The following SLC17A1 variants were observed in gnomAD, a reference collection of about 807,000 sequenced individuals.
The protein encoded by SLC17A1 is solute carrier family 17 member 1.
SLC17A1 carries 51 observed loss-of-function variants against 53.5 expected under a neutral mutation model. The ratio of observed to expected loss-of-function variants is 0.95; its 90% confidence interval spans 0.76 to 1.20. The LOEUF (loss-of-function observed/expected upper bound fraction) is 1.20. Among genes scored for constraint, SLC17A1 ranks in the 50% most tolerant of loss-of-function variants. The pLI, the probability that SLC17A1 is intolerant of heterozygous loss-of-function variation, is 0.00. For synonymous variants in SLC17A1, 179 were observed against 198.8 expected (o/e 0.90, Z 0.84); for missense variants, 538 against 568.2 (o/e 0.95, Z 0.54).
In SLC17A1 at chr6:25,826,498, G is replaced by C. The variant is rs761273411; in HGVS notation, c.170C>G (p.Pro57Arg). The change falls in exon 3 of 13, where the codon CCC (proline) becomes CGC (arginine). Residue 57 changes from proline to arginine, a missense_variant. Transcript: ENST00000244527. ...CAGGAGCTTCTTTGTGGAGGTGTTG[G>C]GCAAACCATGTGGATCTGTGCTATT... ...MVNSTDPHGLPNTSTKKLLDN... is the reference protein window; with the variant it reads ...MVNSTDPHGLRNTSTKKLLDN... 57 of 1,610,228 alleles carry C rather than the reference G, an allele frequency of 3.5e-5. No homozygotes were observed. Among genetic ancestry groups the C allele is most frequent in the Non-Finnish European group, 4.8e-5 (57 of 1,178,018 alleles).
At chr6:25,813,727 A>G (rs1327936622) in intron 6 of SLC17A1, among the ~76,000 whole-genome samples, 1 of 151,826 alleles carries the variant, frequency 6.6e-6, no homozygotes, top group Non-Finnish European at 1.5e-5. Context: ...CCCTCTTCCC[A>G]CCCTCTACCC....
At chr6:25,764,360 T>C in the SLC17A1 span, among the ~76,000 whole-genome samples, 1 of 152,164 alleles carries the variant, frequency 6.6e-6, no homozygotes, top group South Asian at 2.1e-4. Flanking sequence ...AGGAAAGATA[T>C]ACTGCCCCCC....
At chr6:25,740,135 T>C in the SLC17A1 span, among the ~76,000 whole-genome samples, 1 of 152,158 alleles carries the variant, frequency 6.6e-6, no homozygotes, top group Non-Finnish European at 1.5e-5. Flanking sequence ...CATTAGTTAC[T>C]AGGGAAAACA....
chr6:25,728,040 G>A, the SLC17A1 span, among the ~76,000 whole-genome samples: 1 of 152,032 alleles, frequency 6.6e-6, no homozygotes, highest in Non-Finnish European at 1.5e-5. Flanking sequence ...CCCCTAGTTT[G>A]TATAAAAGCT....
chr6:25,789,000 T>C (rs916251069), intron 12 of SLC17A1, among the ~76,000 whole-genome samples: 4 of 152,158 alleles, frequency 2.6e-5, no homozygotes, highest in Non-Finnish European at 5.9e-5. Context: ...GGTAGGTAGA[T>C]AGATATGTAT....
chr6:25,802,444 C>A (rs1763809264), intron 10 of SLC17A1, among the ~76,000 whole-genome samples: 1 of 151,838 alleles, frequency 6.6e-6, no homozygotes, highest in African/African-American at 2.4e-5. Context: ...TTCTTTTGTT[C>A]CTATATTTCT....
intron 3 of SLC17A1, among the ~76,000 whole-genome samples, chr6:25,821,617 T>TG (rs1373523732): frequency 6.6e-6 from 1 of 152,214 alleles, no homozygotes; most frequent in East Asian, 1.9e-4. Flanking sequence ...CTCAAAATCT[T>TG]GGATAGTTTT....
chr6:25,732,346 A>G, the SLC17A1 span, among the ~76,000 whole-genome samples: 1 of 152,246 alleles, frequency 6.6e-6, no homozygotes, highest in South Asian at 2.1e-4. Flanking sequence ...CTATCAGCCA[A>G]TCAATCAGAT....
chr6:25,789,221 A>G (rs1346340578), intron 12 of SLC17A1, among the ~76,000 whole-genome samples: 2 of 152,196 alleles, frequency 1.3e-5, no homozygotes, highest in Admixed American at 6.5e-5. Context: ...TTGTGCCACA[A>G]AGTAAGAAAG....
chr6:25,810,571 T>TA (rs1764118741), intron 10 of SLC17A1, among the ~76,000 whole-genome samples: 1 of 152,090 alleles, frequency 6.6e-6, no homozygotes, highest in Non-Finnish European at 1.5e-5. Context: ...CTACACCTGT[T>TA]AGAGTGTCTG....
At chr6:25,792,825 G>T (rs1372895419) in intron 12 of SLC17A1, among the ~76,000 whole-genome samples, 2 of 152,070 alleles carry the variant, frequency 1.3e-5, no homozygotes, top group African/African-American at 4.8e-5. Context: ...GAATCTGGCT[G>T]CTTCTCACCC....
intron 12 of SLC17A1, among the ~76,000 whole-genome samples, chr6:25,785,927 C>A (rs529349396): frequency 4.6e-5 from 7 of 152,110 alleles, no homozygotes; most frequent in East Asian, 3.9e-4. Context: ...TCCCTCAAAA[C>A]GTTAAACCTA....
At chr6:25,748,109 A>T in the SLC17A1 span, among the ~76,000 whole-genome samples, 1 of 152,220 alleles carries the variant, frequency 6.6e-6, no homozygotes, top group African/African-American at 2.4e-5. Flanking sequence ...CCTTAACCTA[A>T]ACCCCAATGT....
At position 25,819,225 on chromosome 6, in the gene SLC17A1, T is replaced by C. The variant is rs367709750; in HGVS notation, c.530-71A>G. On this transcript the variant is annotated intron_variant, in intron 5 of 12. Coordinates refer to ENST00000244527, the MANE Select transcript of SLC17A1 (RefSeq NM_005074.5). Reference sequence around the variant, plus strand: ...GAAAGCAGAGATAATGTAGCCTCACTGTAGCAATGAACAATTTCCTGTGAA... The same window carrying C: ...GAAAGCAGAGATAATGTAGCCTCACCGTAGCAATGAACAATTTCCTGTGAA... 6.7e-6 allele frequency: 7 copies of C among 1,049,466 alleles called. No individual in the cohort carries two copies. In the South Asian group the frequency reaches 1.1e-4, roughly 17 times the overall value. The allele number at this position is 1,049,466 out of a possible 1,614,324, so 65.0% of individuals were successfully genotyped here. A position where few individuals can be genotyped will look rare whatever the true frequency, so the allele number is the denominator to read the frequency against.
At chr6:25,753,009 T>G in the SLC17A1 span, among the ~76,000 whole-genome samples, 1 of 152,090 alleles carries the variant, frequency 6.6e-6, no homozygotes, top group African/African-American at 2.4e-5. Context: ...ACCCTTATTC[T>G]ATAAGCTTTG....
chr6:25,751,612 A>G, the SLC17A1 span, among the ~76,000 whole-genome samples: 2 of 152,240 alleles, frequency 1.3e-5, no homozygotes, highest in Non-Finnish European at 2.9e-5. Context: ...AGTGAGGAAA[A>G]CATGGTGAGA....
chr6:25,727,229 G>A, the SLC17A1 span: 11 of 1,613,794 alleles, frequency 6.8e-6, no homozygotes, highest in South Asian at 1.2e-4. Context: ...TGCCGGGAGA[G>A]CTGGCTAAAC....
the SLC17A1 span, chr6:25,771,067 T>A: frequency 7.1e-7 from 1 of 1,409,606 alleles, no homozygotes; most frequent in Non-Finnish European, 1.0e-6. Context: ...TGTGATGCAA[T>A]TTATCTATGG....
chr6:25,755,186 A>G, the SLC17A1 span, among the ~76,000 whole-genome samples: 291 of 152,320 alleles, frequency 1.9e-3, 1 homozygote, highest in Non-Finnish European at 3.1e-3. Flanking sequence ...ATCCACAGTG[A>G]GACAATAAAT....
Sources: gnomAD v4.1 joint callset for allele counts (sites outside exome capture counted in the v4.1 genomes callset) on GRCh38, gnomAD v4.1.1 for gene constraint, MANE v1.5 for transcripts, NCBI Gene and HGNC (gene_info 2026-07-23, HGNC 2026-07-21) for gene names.